MUC4: variants seen among roughly 807,000 people sequenced by gnomAD.
MUC4 encodes mucin 4, cell surface associated, also known as mucin-4.
Under a neutral mutation model 257.9 loss-of-function variants are expected in MUC4, and 202 were observed. The ratio of observed to expected loss-of-function variants is 0.78; its 90% CI spans 0.70 to 0.88. The LOEUF is 0.88. Among genes scored for constraint, MUC4 ranks in the 40% least tolerant of loss-of-function variants. MUC4 has a pLI of 0.00. For missense variants in MUC4, 5,976 were observed against 6,513.7 expected (o/e 0.92, Z 2.84); for synonymous variants, 2,351 against 2,757.1 (o/e 0.85, Z 4.62).
intron 5 of MUC4, 49 bp downstream of exon 5, chr3:195,771,603 C>T: frequency 6.3e-7 from 1 of 1,592,492 alleles, no homozygotes; most frequent in Non-Finnish European, 8.6e-7. Flanking sequence ...TCTTTGTCTC[C>T]CCTGCCAGCT....
Position 195,790,348 on chromosome 3 carries a change from G to A in MUC4, c.1232C>T (p.Ser411Leu). ...DSTLGNTEET[S>L]LSVSGTISAI... ...AGAAATGGTTCCACTTACAGATAGT[G>A]ATGTCTCCTCTGTGTTTCCAAGAGT... is the stretch of plus-strand genomic sequence containing the variant. The change falls in exon 2 of 25, where the codon TCA becomes TTA. Residue 411 changes from serine (S) to leucine (L), a missense_variant. Coordinates refer to ENST00000463781, the MANE Select transcript of MUC4 (RefSeq NM_018406.7). 1.2e-6 allele frequency: 2 copies of A among 1,613,898 alleles called. No individual in the cohort carries two copies. Among genetic ancestry groups the A allele is most frequent in the Non-Finnish European group, 1.7e-6 (2 of 1,179,806 alleles).
At chr3:195,795,223 A>G (rs1159551223) in intron 1 of MUC4, among the ~76,000 whole-genome samples, 2 of 152,216 alleles carry the variant, frequency 1.3e-5, no homozygotes, top group Admixed American at 6.5e-5. Flanking sequence ...CTTTGAGTAG[A>G]CAGGAGCTAT....
chr3:195,791,387 T>C lies in MUC4; in HGVS notation c.193A>G (p.Thr65Ala), dbSNP rs774478816. ...GAAGCTGATATGTCCTGATTAGAGG[T>C]CCTTGAAGAAGCTGCAGTTGATTGT... is the stretch of plus-strand genomic sequence containing the variant. ...EGQSTAASSR[T>A]SNQDISASSQ... is the part of the protein sequence containing the mutation. Residue 65 changes from threonine (T) to alanine (A), a missense_variant, in exon 2 of 25, where the codon ACC becomes GCC. Thr to Ala is a moderately conservative substitution (Grantham distance 58). Transcript: ENST00000463781. 1.7e-4 allele frequency: 277 copies of C among 1,613,866 alleles called. No homozygotes were observed. The highest frequency in any genetic ancestry group is 2.3e-4 in the Non-Finnish European group (266 of 1,179,896).
Position 195,780,865 on chromosome 3 carries a change from G to T in MUC4, c.10715C>A (p.Thr3572Asn), listed in dbSNP as rs1277465517. The T allele has an allele frequency of 2.0e-6, 3 of 1,487,128 alleles. No homozygotes were observed. In the African/African-American group the frequency reaches 5.3e-5, roughly 26 times the overall value. 92.1% of individuals were successfully genotyped at this position (1,487,128 alleles called of 1,614,324 possible). A position where few individuals can be genotyped will look rare whatever the true frequency, so the allele number is the denominator to read the frequency against. The change falls in exon 2 of 25, where the codon ACC (threonine) becomes AAC (asparagine). Residue 3572 changes from threonine (T) to asparagine (N), a missense_variant. Thr to Asn is a moderately conservative substitution (Grantham distance 65). Around this residue, in one of 44 missense-constraint regions of MUC4, gnomAD observed 59 missense variants for 149.8 expected, o/e 0.39. Transcript: ENST00000463781. ...STGQATPLPV[T>N]SLSSVSTGDT... is the part of the protein sequence containing the mutation. ...ACCTGTGGATACTGAGGAAAGGCTG[G>T]TGACAGGAAGAGGGGTGGCCTGACC...
At chr3:195,768,527 C>G (rs1722116964) in intron 7 of MUC4, among the ~76,000 whole-genome samples, 1 of 152,198 alleles carries the variant, frequency 6.6e-6, no homozygotes, top group African/African-American at 2.4e-5. Flanking sequence ...CCTCAGATGT[C>G]TGGGTTCAAA....
rs1333549942 is a variant in MUC4, at chr3:195,767,524, ACCATCG to A, written c.13530-779_13530-774del. The stretch of plus-strand genomic sequence containing the variant: ...CACCACCACCATCACCATCACCACC[ACCATCG>A]CCACCACCATCATCACCATCACCAT... On this transcript the variant is annotated intron_variant, in intron 7 of 24. Coordinates refer to ENST00000463781, the MANE Select transcript of MUC4 (RefSeq NM_018406.7). 8.4e-5 allele frequency among the ~76,000 whole-genome samples: 11 copies of A among 130,708 alleles called. 1 individual carries two copies. Among genetic ancestry groups the A allele is most frequent in the South Asian group, 2.4e-4 (1 of 4,158 alleles). The allele number at this position is 130,708 out of a possible 152,430, so 85.7% of individuals were successfully genotyped here. A position where few individuals can be genotyped will look rare whatever the true frequency, so the allele number is the denominator to read the frequency against.
intron 21 of MUC4, chr3:195,752,147 G>C: frequency 1.8e-6 from 1 of 560,470 alleles, no homozygotes; most frequent in East Asian, 2.8e-5. Context: ...GTCTCGGCTG[G>C]GGTGACTTGG....
chr3:195,778,393 T>TG lies in MUC4; in HGVS notation c.12852dup (p.Thr4285HisfsTer29). 6.2e-7 allele frequency: 1 copy of TG among 1,613,064 alleles called. No individual in the cohort carries two copies. The highest frequency in any genetic ancestry group is 1.3e-5 in the African/African-American group (1 of 74,978). Reference sequence around the variant, plus strand: ...GTGGAAATGATGGTCTGGGAGGTTGTGGGGGGTGGTGATGTGGCTGTGCGT... The same window carrying TG: ...GTGGAAATGATGGTCTGGGAGGTTGTGGGGGGGTGGTGATGTGGCTGTGCGT... On this transcript the variant is annotated frameshift_variant, in exon 3 of 25. Transcript: ENST00000463781. LOFTEE classifies it high-confidence loss of function.
chr3:195,805,372 C>T (rs1218304691), intron 1 of MUC4, among the ~76,000 whole-genome samples: 1 of 152,138 alleles, frequency 6.6e-6, no homozygotes, highest in Non-Finnish European at 1.5e-5. Context: ...GTGAGCACAG[C>T]ACGCCGGCCA....
intron 1 of MUC4, among the ~76,000 whole-genome samples, chr3:195,801,973 T>C (rs1179836013): frequency 6.6e-6 from 1 of 151,920 alleles, no homozygotes; most frequent in Non-Finnish European, 1.5e-5. Flanking sequence ...ATGACATGTC[T>C]CCAGCCCTTT....
intron 1 of MUC4, among the ~76,000 whole-genome samples, chr3:195,792,530 G>C (rs1307175968): frequency 6.6e-6 from 1 of 152,240 alleles, no homozygotes; most frequent in Non-Finnish European, 1.5e-5. Flanking sequence ...TACACTGTTG[G>C]TGGGAGTGTA....
intron 1 of MUC4, among the ~76,000 whole-genome samples, chr3:195,798,578 C>A (rs1258410881): frequency 3.3e-5 from 5 of 151,128 alleles, no homozygotes; most frequent in African/African-American, 1.2e-4. Flanking sequence ...GTGGCGGGCG[C>A]CTGTAGTCCC....
At position 195,778,276 on chromosome 3, in the gene MUC4, GCACAGGCCTCACCTGTATGGCCT is replaced by G; in HGVS notation, c.12943+4_12943+26del. On this transcript the variant is annotated splice_donor_5th_base_variant and intron_variant, in intron 3 of 24. Coordinates refer to ENST00000463781, the MANE Select transcript of MUC4 (RefSeq NM_018406.7). Reference sequence around the variant, plus strand: ...CTTCAGTTACATCACCCCTCAAAAGGCACAGGCCTCACCTGTATGGCCTCACCTCTCTCAGGCAGGATGGGGAT... The same window carrying G: ...CTTCAGTTACATCACCCCTCAAAAGGCACCTCTCTCAGGCAGGATGGGGAT... 2 of 1,572,936 alleles carry G rather than the reference GCACAGGCCTCACCTGTATGGCCT, an allele frequency of 1.3e-6. No homozygotes were observed. The highest frequency in any genetic ancestry group is 8.6e-7 in the Non-Finnish European group (1 of 1,160,436).
chr3:195,756,331 C>T (rs1717633995), intron 18 of MUC4, among the ~76,000 whole-genome samples: 1 of 152,304 alleles, frequency 6.6e-6, no homozygotes, highest in East Asian at 1.9e-4. Context: ...GGACTCACGC[C>T]CAGGGACCCA....
rs1257859237 is a variant in MUC4 at position 195,766,655 on chromosome 3, A to T, written c.13618+8T>A. ...ACCAGCTCAGGTGTGATAAGGTGGC[A>T]CTTTTACCTGAGTTGGAATTCAGGA... On this transcript the variant is annotated splice_region_variant and intron_variant, in intron 8 of 24. Coordinates refer to ENST00000463781, the MANE Select transcript of MUC4 (RefSeq NM_018406.7). The T allele has an allele frequency of 1.2e-6, 2 of 1,613,738 alleles. No individual in the cohort carries two copies. The highest frequency in any genetic ancestry group is 3.3e-5 in the Admixed American group (2 of 60,022).
At chr3:195,775,382 G>C (rs1415357539) in intron 3 of MUC4, among the ~76,000 whole-genome samples, 2 of 119,530 alleles carry the variant, frequency 1.7e-5, no homozygotes, top group African/African-American at 6.5e-5. Flanking sequence ...TACCACACTC[G>C]TACCTTCCAC....
At chr3:195,775,772 A>ATACCTTCCACACCCT (rs1724451896) in intron 3 of MUC4, among the ~76,000 whole-genome samples, 2 of 16,166 alleles carry the variant, frequency 1.2e-4, no homozygotes, top group African/African-American at 8.1e-4. Flanking sequence ...TTCCACACCC[A>ATACCTTCCACACCCT]TACCTTCCAC....
chr3:195,768,398 A>G (rs1188477899), intron 7 of MUC4, among the ~76,000 whole-genome samples: 2 of 152,116 alleles, frequency 1.3e-5, no homozygotes, highest in African/African-American at 2.4e-5. Context: ...GGGAATCCAC[A>G]TTTCAACCGC....
chr3:195,750,903 C>T lies in MUC4; in HGVS notation c.15857G>A (p.Arg5286His), dbSNP rs973002287. 9.3e-6 allele frequency: 15 copies of T among 1,613,406 alleles called. No homozygotes were observed. In the African/African-American group the frequency reaches 1.2e-4, roughly 13 times the overall value. Residue 5286 changes from arginine (R) to histidine (H), a missense_variant, in exon 23 of 25, where the codon CGC becomes CAC. Arg to His is a conservative substitution (Grantham distance 29). Coordinates refer to ENST00000463781, the MANE Select transcript of MUC4 (RefSeq NM_018406.7). ...GACGGACTCACGGGCTGTCACATCG[C>T]GCACGTCTTCCCCGGAGATGGGCTG... is the stretch of plus-strand genomic sequence containing the variant. ...VFQPISGEDV[R>H]DVTALNVSTL...
Sources: allele counts gnomAD v4.1 joint callset (sites outside exome capture counted in the v4.1 genomes callset), GRCh38; gene constraint gnomAD v4.1.1; regional missense constraint gnomAD v4.1.1; transcripts MANE v1.5; gene names NCBI Gene and HGNC (gene_info 2026-07-23, HGNC 2026-07-21).